The following SLC22A16 variants were observed in gnomAD, a reference collection of about 807,000 sequenced individuals.
SLC22A16 encodes WUGSC:RG331P03.1.
A neutral mutation model predicts 52.9 loss-of-function variants in SLC22A16; 53 were observed. The observed-to-expected ratio is 1.00, with a 90% CI of 0.80 to 1.26. SLC22A16 has a LOEUF of 1.26. Among genes scored for constraint, SLC22A16 ranks in the 50% most tolerant of loss-of-function variants. The pLI is 0.00. For synonymous variants in SLC22A16, 291 were observed against 268.8 expected, an observed-to-expected ratio of 1.08 and a Z score of -0.81; for missense variants, 726 against 704.0, an observed-to-expected ratio of 1.03 and a Z score of -0.35.
intron 2 of SLC22A16, chr6:110,453,703 G>T (rs1281614692): frequency 2.2e-6 from 1 of 456,148 alleles, no homozygotes; most frequent in South Asian, 1.5e-5. Flanking sequence ...ACTCTTTGTG[G>T]CAGAGAGGGG....
intron 1 of SLC22A16, among the ~76,000 whole-genome samples, chr6:110,461,158 A>G (rs2077850324): frequency 6.6e-6 from 1 of 152,192 alleles, no homozygotes; most frequent in African/African-American, 2.4e-5. Flanking sequence ...ACCGCTCCCT[A>G]CACAAAGTAG....
chr6:110,452,092 C>A (rs895390308), intron 2 of SLC22A16, among the ~76,000 whole-genome samples: 1 of 152,204 alleles, frequency 6.6e-6, no homozygotes, highest in African/African-American at 2.4e-5. Flanking sequence ...ATTCCAGGAA[C>A]CTCTAAGGGA....
intron 1 of SLC22A16, among the ~76,000 whole-genome samples, chr6:110,474,536 A>C (rs1460480721): frequency 6.6e-6 from 1 of 152,200 alleles, no homozygotes; most frequent in Non-Finnish European, 1.5e-5. Context: ...GTCAACCCTG[A>C]CCACCAATAT....
Position 110,456,968 on chromosome 6 carries a change from C to T in SLC22A16, c.103G>A (p.Gly35Ser). The T allele has an allele frequency of 6.3e-7, 1 of 1,582,212 alleles. No individual in the cohort carries two copies. Among genetic ancestry groups the T allele is most frequent in the Non-Finnish European group, 8.6e-7 (1 of 1,165,102 alleles). Residue 35 changes from glycine (G) to serine (S), a missense_variant, in exon 2 of 8, where the codon GGT (glycine) becomes AGT (serine). Gly to Ser is a moderately conservative substitution (Grantham distance 56). Transcript: ENST00000368919. ...AACACAGAAGCCAAGTAGTGAATAC[C>T]ACAAGAGATGTTCTGGAAGGCACAT... ...FICAFQNISC[G>S]IHYLASVFMG...
chr6:110,424,823 G>C lies in SLC22A16; in HGVS notation c.*50C>G. 1 of 1,592,830 alleles carries C rather than the reference G, an allele frequency of 6.3e-7. No individual in the cohort carries two copies. The highest frequency in any genetic ancestry group is 8.6e-7 in the Non-Finnish European group (1 of 1,162,190). On this transcript the variant is annotated 3_prime_UTR_variant, in exon 8 of 8. Coordinates refer to ENST00000368919, the MANE Select transcript of SLC22A16 (RefSeq NM_033125.4). ...GAGAATAAGATTCCTCTAATACAAAGGCATTAGGGTAAATAATATTTCAGG... is the reference window on the plus strand; with the variant it reads ...GAGAATAAGATTCCTCTAATACAAACGCATTAGGGTAAATAATATTTCAGG...
chr6:110,476,497 G>GCT (rs749735744), intron 1 of SLC22A16, 25 bp downstream of exon 1: 1 of 400,874 alleles, frequency 2.5e-6, no homozygotes, highest in South Asian at 2.5e-5. Flanking sequence ...CTCCCGCGTG[G>GCT]CGCCGCGGGG....
chr6:110,440,639 T>C (rs1261200293), intron 4 of SLC22A16, among the ~76,000 whole-genome samples: 3 of 152,090 alleles, frequency 2.0e-5, no homozygotes, highest in Non-Finnish European at 4.4e-5. Flanking sequence ...TAGCTGGGCA[T>C]GGTGGCATGT....
chr6:110,433,962 C>T (rs541703953), intron 6 of SLC22A16, among the ~76,000 whole-genome samples: 208 of 152,174 alleles, frequency 1.4e-3, no homozygotes, highest in African/African-American at 4.9e-3. Context: ...TCTGACGGGC[C>T]GGACGCAGTG....
chr6:110,425,399 A>G (rs1441596856), intron 7 of SLC22A16: 1 of 1,329,810 alleles, frequency 7.5e-7, no homozygotes, highest in Non-Finnish European at 9.9e-7. Context: ...TCAGAAAGAA[A>G]AAAGACACTT....
chr6:110,446,289 G>C (rs935759397), intron 3 of SLC22A16, among the ~76,000 whole-genome samples: 1 of 152,020 alleles, frequency 6.6e-6, no homozygotes, highest in Admixed American at 6.6e-5. Flanking sequence ...GCTGTACTGC[G>C]GTTGTTTATA....
chr6:110,437,524 C>A (rs549291261), intron 5 of SLC22A16, among the ~76,000 whole-genome samples: 4 of 152,194 alleles, frequency 2.6e-5, no homozygotes, highest in Non-Finnish European at 5.9e-5. Flanking sequence ...ATATTTGGCT[C>A]ACCGATCCTA....
chr6:110,456,641 A>T lies in SLC22A16; in HGVS notation c.430T>A (p.Trp144Arg), dbSNP rs1361682342. The T allele has an allele frequency of 1.2e-6, 2 of 1,614,158 alleles. No homozygotes were observed. Among genetic ancestry groups the T allele is most frequent in the East Asian group, 2.2e-5 (1 of 44,880 alleles). ...CATTTTCGGTCACAGACCAGGTTCC[A>T]CTGGGTCACCGCAGTGCTTTTCCAT... is the stretch of plus-strand genomic sequence containing the variant. ...NTWKSTAVTQ[W>R]NLVCDRKWLA... Residue 144 changes from tryptophan to arginine, a missense_variant, in exon 2 of 8, where the codon TGG becomes AGG. Physicochemically the swap from Trp to Arg is moderately radical, Grantham distance 101. Coordinates refer to ENST00000368919, the MANE Select transcript of SLC22A16 (RefSeq NM_033125.4).
In SLC22A16 at chr6:110,476,551, C is replaced by T. The variant is rs1245774822; in HGVS notation, c.24G>A (p.Gly8=). 1 of 1,515,448 alleles carries T rather than the reference C, an allele frequency of 6.6e-7. No homozygotes were observed. Among genetic ancestry groups the T allele is most frequent in the East Asian group, 2.9e-5 (1 of 34,994 alleles). 93.9% of individuals were successfully genotyped at this position (1,515,448 alleles called of 1,614,324 possible). Residue 8 remains glycine (G), a synonymous_variant, in exon 1 of 8, where the codon GGG becomes GGA. Transcript: ENST00000368919. ...CGAAGTGCCCCACGTGGTCATAAAT[C>T]CCCTCGAAGTGGCGGGACCCCATGG... MGSRHFE[G]IYDHVGHFGR...
intron 1 of SLC22A16, among the ~76,000 whole-genome samples, chr6:110,470,266 A>G (rs1177207797): frequency 6.6e-6 from 1 of 152,142 alleles, no homozygotes; most frequent in African/African-American, 2.4e-5. Context: ...AACATAAATC[A>G]TGTACGTATG....
chr6:110,425,448 C>G, intron 7 of SLC22A16: 1 of 1,301,092 alleles, frequency 7.7e-7, no homozygotes, highest in Non-Finnish European at 1.0e-6. Context: ...GTGGAGAAGA[C>G]AAGTAACTGA....
Position 110,424,942 on chromosome 6 carries a change from G to A in SLC22A16, c.1665C>T (p.Leu555=). Residue 555 remains leucine (L), a synonymous_variant, in exon 8 of 8, where the codon CTC becomes CTT. Transcript: ENST00000368919. Reference sequence around the variant, plus strand: ...TTTCCAGCCCACTATTATTAGTTGTGAGAAGTAATTTGCTTGACTTGCTTT... The same window carrying A: ...TTTCCAGCCCACTATTATTAGTTGTAAGAAGTAATTTGCTTGACTTGCTTT... ...ENESKSSKLL[L]TTNNSGLEKT... is the part of the protein sequence containing the mutation. The A allele has an allele frequency of 6.2e-7, 1 of 1,614,116 alleles. No homozygotes were observed. The highest frequency in any genetic ancestry group is 8.5e-7 in the Non-Finnish European group (1 of 1,180,024).
intron 2 of SLC22A16, among the ~76,000 whole-genome samples, chr6:110,450,611 C>CAAAAA (rs35567505): frequency 2.5e-4 from 12 of 48,718 alleles, no homozygotes; most frequent in East Asian, 1.3e-3. Context: ...GACATCTTCT[C>CAAAAA]AAAAAAAAAA....
chr6:110,458,146 C>CCTCT (rs143252306), intron 1 of SLC22A16, among the ~76,000 whole-genome samples: 19 of 149,634 alleles, frequency 1.3e-4, no homozygotes, highest in Non-Finnish European at 1.8e-4. Flanking sequence ...TAAGCTGTCT[C>CCTCT]CTCTCTCTCT....
At chr6:110,463,062 G>A (rs1247392664) in intron 1 of SLC22A16, among the ~76,000 whole-genome samples, 1 of 151,614 alleles carries the variant, frequency 6.6e-6, no homozygotes, top group Non-Finnish European at 1.5e-5. Context: ...GTCTTTCCCA[G>A]ACAAGCAAAC....
Sources: gnomAD v4.1 joint callset for allele counts (sites outside exome capture counted in the v4.1 genomes callset) on GRCh38, gnomAD v4.1.1 for gene constraint, MANE v1.5 for transcripts, NCBI Gene and HGNC (gene_info 2026-07-23, HGNC 2026-07-21) for gene names.